LRMDA: variants seen among roughly 807,000 people sequenced by gnomAD.
The protein encoded by LRMDA is leucine rich melanocyte differentiation associated.
LRMDA carries 18 observed loss-of-function variants against 29.8 expected under a neutral mutation model. The observed-to-expected ratio is 0.60, with a 90% CI of 0.42 to 0.90. The LOEUF is 0.90. LRMDA is among the 40% of genes least tolerant of loss of function. The pLI is 0.00. For synonymous variants in LRMDA, 125 were observed against 109.4 expected (o/e 1.14, Z -0.89); for missense variants, 273 against 273.9 (o/e 1.00, Z 0.02).
intron 2 of LRMDA, among the ~76,000 whole-genome samples, chr10:75,505,224 G>A (rs1276518104): frequency 6.6e-6 from 1 of 152,186 alleles, no homozygotes; most frequent in African/African-American, 2.4e-5. Context: ...GCACTCCAGG[G>A]CTGATCTGGT....
intron 5 of LRMDA, among the ~76,000 whole-genome samples, chr10:76,152,646 G>A (rs1850466131): frequency 6.6e-6 from 1 of 152,110 alleles, no homozygotes; most frequent in African/African-American, 2.4e-5. Context: ...ATTTCCACTA[G>A]CAATACATGA....
intron 6 of LRMDA, among the ~76,000 whole-genome samples, chr10:76,455,637 A>C (rs1426830614): frequency 6.6e-6 from 1 of 152,184 alleles, no homozygotes; most frequent in Non-Finnish European, 1.5e-5. Context: ...TTCAAGTTGC[A>C]AATCTTATCA....
chr10:75,800,927 A>G (rs913545307), intron 2 of LRMDA, among the ~76,000 whole-genome samples: 1 of 152,200 alleles, frequency 6.6e-6, no homozygotes, highest in African/African-American at 2.4e-5. Context: ...AACTTGGGAA[A>G]GTTTGTTTGT....
chr10:76,430,054 C>T (rs1179691874), intron 6 of LRMDA, among the ~76,000 whole-genome samples: 2 of 152,180 alleles, frequency 1.3e-5, no homozygotes, highest in Non-Finnish European at 1.5e-5. Flanking sequence ...GTAAATTTAT[C>T]TTATGATATC....
chr10:75,726,277 G>A (rs552153228), intron 2 of LRMDA, among the ~76,000 whole-genome samples: 82 of 152,304 alleles, frequency 5.4e-4, no homozygotes, highest in African/African-American at 1.7e-3. Flanking sequence ...GTGAGTGGGG[G>A]TAATAGATTG....
intron 6 of LRMDA, among the ~76,000 whole-genome samples, chr10:76,402,077 G>A (rs990613594): frequency 2.0e-5 from 3 of 152,130 alleles, no homozygotes; most frequent in Admixed American, 6.5e-5. Context: ...GGTGCAGGAA[G>A]CATGTTACCT....
At chr10:75,957,049 G>A (rs547679308) in intron 2 of LRMDA, among the ~76,000 whole-genome samples, 23 of 152,320 alleles carry the variant, frequency 1.5e-4, no homozygotes, top group African/African-American at 5.3e-4. Context: ...AATGGTCACA[G>A]TGTTTATAAT....
intron 6 of LRMDA, among the ~76,000 whole-genome samples, chr10:76,480,080 A>G (rs1268160417): frequency 6.6e-6 from 1 of 151,900 alleles, no homozygotes; most frequent in African/African-American, 2.4e-5. Flanking sequence ...TCCTAACTTT[A>G]TAGATAAGGA....
At chr10:75,532,056 GAAAAAAAAA>G (rs60697116) in intron 2 of LRMDA, among the ~76,000 whole-genome samples, 2 of 95,334 alleles carry the variant, frequency 2.1e-5, no homozygotes, top group East Asian at 3.4e-4. Context: ...AAGAAAGAAA[GAAAAAAAAA>G]AAAAAAAAAA....
At chr10:75,628,467 G>A (rs564484362) in intron 2 of LRMDA, among the ~76,000 whole-genome samples, 2 of 152,268 alleles carry the variant, frequency 1.3e-5, no homozygotes, top group Non-Finnish European at 2.9e-5. Context: ...GCTGGTCTAT[G>A]TACTATTCAT....
chr10:75,966,311 G>A (rs1330314095), intron 2 of LRMDA, among the ~76,000 whole-genome samples: 4 of 152,290 alleles, frequency 2.6e-5, no homozygotes, highest in African/African-American at 9.6e-5. Flanking sequence ...GTTTCTTCAT[G>A]ACTCTGAATG....
chr10:76,068,135 G>A lies in LRMDA; in HGVS notation c.516+9352G>A, dbSNP rs1237997249. Among the ~76,000 whole-genome samples, 9 of 152,182 alleles carry A rather than the reference G, an allele frequency of 5.9e-5. No homozygotes were observed. The East Asian group carries it at 1.7e-3, about 29-fold the overall frequency. On this transcript the variant is annotated intron_variant, in intron 5 of 6. Transcript: ENST00000611255. Reference sequence around the variant, plus strand: ...AAGAAGGAGAAAACAGGGATGGCATGGTCCCATTTTCTACTCTGCAGTTCT... The same window carrying A: ...AAGAAGGAGAAAACAGGGATGGCATAGTCCCATTTTCTACTCTGCAGTTCT...
At chr10:75,786,817 C>T (rs1225427272) in intron 2 of LRMDA, among the ~76,000 whole-genome samples, 1 of 152,160 alleles carries the variant, frequency 6.6e-6, no homozygotes, top group Non-Finnish European at 1.5e-5. Flanking sequence ...GGGACCTATG[C>T]TTAATATCTC....
At chr10:75,696,291 A>G (rs1842232948) in intron 2 of LRMDA, among the ~76,000 whole-genome samples, 1 of 152,228 alleles carries the variant, frequency 6.6e-6, no homozygotes, top group South Asian at 2.1e-4. Flanking sequence ...TTTTCGTCAC[A>G]TAGGGGCTAA....
intron 2 of LRMDA, among the ~76,000 whole-genome samples, chr10:76,004,726 A>AT (rs926291826): frequency 0.15 from 20,324 of 133,998 alleles, 1,963 homozygotes; most frequent in African/African-American, 0.23. Context: ...TTTTCTTTTA[A>AT]TTTTTTTTTT....
chr10:76,118,264 G>C (rs1589334986), intron 5 of LRMDA, among the ~76,000 whole-genome samples: 1 of 152,168 alleles, frequency 6.6e-6, no homozygotes, highest in South Asian at 2.1e-4. Flanking sequence ...CTTGAGCAGA[G>C]AGAGAGGAGT....
intron 2 of LRMDA, among the ~76,000 whole-genome samples, chr10:75,661,272 G>A (rs1256571351): frequency 6.6e-6 from 1 of 152,168 alleles, no homozygotes; most frequent in Admixed American, 6.5e-5. Context: ...TGCACGCCTC[G>A]ACTCTCGAAG....
At chr10:76,208,575 A>G (rs1260012115) in intron 5 of LRMDA, among the ~76,000 whole-genome samples, 1 of 152,206 alleles carries the variant, frequency 6.6e-6, no homozygotes, top group Admixed American at 6.5e-5. Flanking sequence ...CCAGCCAGCA[A>G]CTTGATTTTG....
chr10:76,242,931 T>C (rs569861131), intron 5 of LRMDA, among the ~76,000 whole-genome samples: 1 of 152,246 alleles, frequency 6.6e-6, no homozygotes, highest in Admixed American at 6.5e-5. Flanking sequence ...TAGTGCAGAG[T>C]GAGGATAAGA....
Sources: gnomAD v4.1 joint callset for allele counts (sites outside exome capture counted in the v4.1 genomes callset) on GRCh38, gnomAD v4.1.1 for gene constraint, MANE v1.5 for transcripts, NCBI Gene and HGNC (gene_info 2026-07-23, HGNC 2026-07-21) for gene names.